Variants in C10orf90 observed in about 807,000 individuals in gnomAD.
The protein encoded by C10orf90 is chromosome 10 open reading frame 90, also known as (E2-independent) E3 ubiquitin-conjugating enzyme FATS.
A neutral mutation model predicts 62.5 loss-of-function variants in C10orf90; 56 were observed. The observed-to-expected ratio is 0.90, with a 90% CI of 0.72 to 1.12. C10orf90 has a LOEUF of 1.12. Ranked by LOEUF, C10orf90 falls within the 50% of genes most tolerant of loss-of-function variation. C10orf90 has a pLI of 0.00. For missense variants in C10orf90, 970 were observed against 880.4 expected (o/e 1.10, Z -1.29); for synonymous variants, 386 against 340.4 (o/e 1.13, Z -1.47).
At chr10:126,537,987 C>G (rs1011344365) in intron 2 of C10orf90, among the ~76,000 whole-genome samples, 3 of 152,038 alleles carry the variant, frequency 2.0e-5, no homozygotes, top group Admixed American at 6.5e-5. Context: ...AAGAAAGCCA[C>G]GTAAAAATGA....
chr10:126,600,730 G>A (rs1041677289), intron 2 of C10orf90, among the ~76,000 whole-genome samples: 5 of 151,664 alleles, frequency 3.3e-5, no homozygotes, highest in South Asian at 2.1e-4. Flanking sequence ...TTTCTTAGGC[G>A]TGTGTGTGTG....
At chr10:126,559,263 C>G (rs1381713744) in intron 2 of C10orf90, among the ~76,000 whole-genome samples, 1 of 152,198 alleles carries the variant, frequency 6.6e-6, no homozygotes, top group Non-Finnish European at 1.5e-5. Flanking sequence ...ATGTTTCCAG[C>G]ATTTCCATGT....
intron 1 of C10orf90, among the ~76,000 whole-genome samples, chr10:126,649,034 GTCTCTCTCTCTCTCTC>G (rs1196569277): frequency 2.6e-4 from 7 of 26,620 alleles, no homozygotes; most frequent in Admixed American, 2.0e-3. Flanking sequence ...CTCTGTCTCT[GTCTCTCTCTCTCTCTC>G]TCTCTCTCTC....
At chr10:126,603,959 C>T (rs1845253731) in intron 2 of C10orf90, among the ~76,000 whole-genome samples, 1 of 152,158 alleles carries the variant, frequency 6.6e-6, no homozygotes, top group South Asian at 2.1e-4. Flanking sequence ...TCAAAGGTTG[C>T]AAAGAGGTAC....
intron 4 of C10orf90, among the ~76,000 whole-genome samples, chr10:126,483,676 C>G (rs1350646235): frequency 6.6e-6 from 1 of 152,222 alleles, no homozygotes; most frequent in Non-Finnish European, 1.5e-5. Flanking sequence ...TCAGCATTAG[C>G]TCTATAAGCA....
chr10:126,633,842 G>A (rs750376464), intron 2 of C10orf90, among the ~76,000 whole-genome samples: 1 of 152,182 alleles, frequency 6.6e-6, no homozygotes, highest in South Asian at 2.1e-4. Flanking sequence ...CAGGTGGAGA[G>A]GTTGATATCA....
At chr10:126,593,233 A>G (rs995841647) in intron 2 of C10orf90, among the ~76,000 whole-genome samples, 1 of 152,236 alleles carries the variant, frequency 6.6e-6, no homozygotes, top group African/African-American at 2.4e-5. Context: ...AGATACATGC[A>G]CACATATGTT....
At chr10:126,648,848 G>GT (rs1434118503) in intron 1 of C10orf90, among the ~76,000 whole-genome samples, 5 of 152,024 alleles carry the variant, frequency 3.3e-5, no homozygotes, top group Non-Finnish European at 7.4e-5. Context: ...TATTTTTAAT[G>GT]TAACTCTATC....
chr10:126,486,215 A>G (rs576134906), intron 4 of C10orf90, among the ~76,000 whole-genome samples: 1 of 152,316 alleles, frequency 6.6e-6, no homozygotes, highest in South Asian at 2.1e-4. Flanking sequence ...ATCATAAGCT[A>G]GTCCCCTTTC....
At chr10:126,644,090 G>A (rs1441457163) in intron 2 of C10orf90, among the ~76,000 whole-genome samples, 5 of 152,216 alleles carry the variant, frequency 3.3e-5, no homozygotes, top group Non-Finnish European at 7.3e-5. Flanking sequence ...CTGAGCCCAC[G>A]ATTGGAGAGA....
chr10:126,546,077 C>A (rs1004992875), intron 2 of C10orf90, among the ~76,000 whole-genome samples: 1 of 152,056 alleles, frequency 6.6e-6, no homozygotes, highest in African/African-American at 2.4e-5. Context: ...GAACAAGCAA[C>A]CTGAAAACAT....
chr10:126,461,379 C>T, intron 6 of C10orf90, 22 bp downstream of exon 6: 1 of 1,610,786 alleles, frequency 6.2e-7, no homozygotes, highest in Non-Finnish European at 8.5e-7. Flanking sequence ...GGAATCAAGC[C>T]AGGACACACA....
chr10:126,632,745 G>A lies in C10orf90; in HGVS notation c.313+13820C>T, dbSNP rs571016526. Among the ~76,000 whole-genome samples, 3 of 152,162 alleles carry A rather than the reference G, an allele frequency of 2.0e-5. No individual in the cohort carries two copies. The East Asian group carries it at 5.8e-4, about 30-fold the overall frequency. ...TATTTCCACCTCTAGATTCGGAGTT[G>A]TGCCATTATATTTACTTTGCTTTGA... On this transcript the variant is annotated intron_variant, in intron 2 of 9. Coordinates refer to ENST00000488181, the MANE Select transcript of C10orf90 (RefSeq NM_001350921.2).
intron 2 of C10orf90, among the ~76,000 whole-genome samples, chr10:126,570,147 G>A (rs956933089): frequency 3.3e-5 from 5 of 152,336 alleles, no homozygotes; most frequent in Middle Eastern, 3.4e-3. Context: ...CGTAATTGCA[G>A]CCCCTGGTTT....
At chr10:126,449,628 C>G (rs892842550) in intron 7 of C10orf90, among the ~76,000 whole-genome samples, 25 of 152,020 alleles carry the variant, frequency 1.6e-4, no homozygotes, top group African/African-American at 5.8e-4. Context: ...TATGTAGAAA[C>G]CCCTAAAAAC....
At chr10:126,540,963 A>G (rs1591082119) in intron 2 of C10orf90, among the ~76,000 whole-genome samples, 1 of 152,240 alleles carries the variant, frequency 6.6e-6, no homozygotes, top group Admixed American at 6.5e-5. Flanking sequence ...CACCAAACTA[A>G]ATTTAAAATG....
At chr10:126,557,608 TC>T (rs574914694) in intron 2 of C10orf90, among the ~76,000 whole-genome samples, 326 of 152,270 alleles carry the variant, frequency 2.1e-3, no homozygotes, top group African/African-American at 6.9e-3. Flanking sequence ...ATATACCATT[TC>T]TTTAGCAATC....
intron 2 of C10orf90, among the ~76,000 whole-genome samples, chr10:126,580,800 T>C (rs1844733920): frequency 6.6e-6 from 1 of 152,138 alleles, no homozygotes; most frequent in African/African-American, 2.4e-5. Context: ...GTGGTGTGTG[T>C]GTGCAAAAGT....
chr10:126,479,966 T>C (rs1228373168), intron 4 of C10orf90, among the ~76,000 whole-genome samples: 1 of 152,208 alleles, frequency 6.6e-6, no homozygotes, highest in Non-Finnish European at 1.5e-5. Flanking sequence ...GTAATGCTCT[T>C]TTTATCCCTT....
Sources: allele counts gnomAD v4.1 joint callset (sites outside exome capture counted in the v4.1 genomes callset), GRCh38; gene constraint gnomAD v4.1.1; transcripts MANE v1.5; gene names NCBI Gene and HGNC (gene_info 2026-07-23, HGNC 2026-07-21).